Variants in REDIC1 observed in about 807,000 individuals in gnomAD.
REDIC1 encodes the protein regulator of DNA class I crossover intermediates 1.
the REDIC1 span, among the ~76,000 whole-genome samples, chr12:39,768,268 G>T: frequency 6.6e-6 from 1 of 152,100 alleles, no homozygotes; most frequent in Admixed American, 6.6e-5. Flanking sequence ...GGAATGTTGT[G>T]GCTGGTTTGA....
At chr12:39,711,719 ATGCACATGCATGTG>A in the REDIC1 span, among the ~76,000 whole-genome samples, 1 of 11,658 alleles carries the variant, frequency 8.6e-5, no homozygotes, top group Non-Finnish European at 2.8e-4. Context: ...ATGCATGTGT[ATGCACATGCATGTG>A]TGTATGTGTG....
chr12:39,772,511 G>A, the REDIC1 span, among the ~76,000 whole-genome samples: 1 of 151,976 alleles, frequency 6.6e-6, no homozygotes, highest in Non-Finnish European at 1.5e-5. Context: ...GTTTAATTGT[G>A]AGTAGAAAAC....
At chr12:39,674,894 G>A in the REDIC1 span, among the ~76,000 whole-genome samples, 1 of 152,214 alleles carries the variant, frequency 6.6e-6, no homozygotes, top group African/African-American at 2.4e-5. Flanking sequence ...ATTTTCATGA[G>A]CAGAATCTTG....
the REDIC1 span, among the ~76,000 whole-genome samples, chr12:39,779,620 C>A: frequency 6.6e-6 from 1 of 152,182 alleles, no homozygotes; most frequent in African/African-American, 2.4e-5. Context: ...TGTCATCTGA[C>A]AACAATTTCT....
At chr12:39,769,132 T>C in the REDIC1 span, among the ~76,000 whole-genome samples, 2 of 152,074 alleles carry the variant, frequency 1.3e-5, no homozygotes, top group African/African-American at 4.8e-5. Context: ...CTCAGTTGGT[T>C]CCCTAATGAT....
At chr12:39,775,470 AG>A in the REDIC1 span, among the ~76,000 whole-genome samples, 1 of 152,372 alleles carries the variant, frequency 6.6e-6, no homozygotes, top group South Asian at 2.1e-4. Context: ...CTACGGGCTC[AG>A]AGGAGCCCTG....
chr12:39,642,437 A>G, the REDIC1 span, among the ~76,000 whole-genome samples: 1 of 151,334 alleles, frequency 6.6e-6, no homozygotes, highest in Non-Finnish European at 1.5e-5. Flanking sequence ...CCTTCCCTGT[A>G]CCCACCCTAT....
chr12:39,660,900 G>A, the REDIC1 span, among the ~76,000 whole-genome samples: 12 of 151,906 alleles, frequency 7.9e-5, no homozygotes, highest in Non-Finnish European at 1.3e-4. Flanking sequence ...GCTCCCACAT[G>A]TGAGTGAGTA....
chr12:39,739,548 T>C, the REDIC1 span, among the ~76,000 whole-genome samples: 5 of 152,196 alleles, frequency 3.3e-5, no homozygotes, highest in Admixed American at 2.0e-4. Context: ...TTGATTAATA[T>C]TGAGTTAAAA....
the REDIC1 span, among the ~76,000 whole-genome samples, chr12:39,668,598 G>A: frequency 4.6e-5 from 7 of 151,718 alleles, no homozygotes; most frequent in African/African-American, 1.5e-4. Flanking sequence ...TTAAATGTTG[G>A]CCTGCCTTGC....
At chr12:39,691,002 A>G in the REDIC1 span, among the ~76,000 whole-genome samples, 1 of 152,256 alleles carries the variant, frequency 6.6e-6, no homozygotes, top group South Asian at 2.1e-4. Context: ...CATGACTTGA[A>G]GAGAAAAGAT....
chr12:39,725,726 A>T, the REDIC1 span, among the ~76,000 whole-genome samples: 1 of 151,486 alleles, frequency 6.6e-6, no homozygotes, highest in Non-Finnish European at 1.5e-5. Flanking sequence ...GTATTTATTC[A>T]TGTATATTTT....
At chr12:39,692,633 A>G in the REDIC1 span, among the ~76,000 whole-genome samples, 1 of 151,722 alleles carries the variant, frequency 6.6e-6, no homozygotes, top group Non-Finnish European at 1.5e-5. Flanking sequence ...ACAGCATTCT[A>G]CTGTATGAAT....
chr12:39,741,177 G>A, the REDIC1 span, among the ~76,000 whole-genome samples: 1 of 151,998 alleles, frequency 6.6e-6, no homozygotes, highest in Non-Finnish European at 1.5e-5. Flanking sequence ...GATAATTTCA[G>A]GTTTTCTTAA....
chr12:39,652,353 A>G, the REDIC1 span, among the ~76,000 whole-genome samples: 91 of 152,150 alleles, frequency 6.0e-4, no homozygotes, highest in Non-Finnish European at 9.1e-4. Flanking sequence ...TTATATTCCC[A>G]TTAACAATGT....
At chr12:39,664,500 C>T in the REDIC1 span, among the ~76,000 whole-genome samples, 1 of 152,010 alleles carries the variant, frequency 6.6e-6, no homozygotes, top group African/African-American at 2.4e-5. Flanking sequence ...GTTGGTTCCA[C>T]GTCTTTGCTA....
the REDIC1 span, among the ~76,000 whole-genome samples, chr12:39,799,306 C>T: frequency 5.3e-5 from 7 of 132,134 alleles, no homozygotes; most frequent in South Asian, 7.1e-4. Flanking sequence ...AATGGGGTTT[C>T]GCTGTGTTGG....
At chr12:39,867,550 T>G in the REDIC1 span, among the ~76,000 whole-genome samples, 4 of 152,126 alleles carry the variant, frequency 2.6e-5, no homozygotes, top group East Asian at 1.9e-4. Context: ...ATGAGAGCTC[T>G]GCAATATGGA....
chr12:39,797,909 A>C, the REDIC1 span, among the ~76,000 whole-genome samples: 2 of 152,212 alleles, frequency 1.3e-5, no homozygotes, highest in Non-Finnish European at 2.9e-5. Context: ...GTCAGCCTCC[A>C]GAATATCCCC....
Sources: gnomAD v4.1 joint callset for allele counts (sites outside exome capture counted in the v4.1 genomes callset) on GRCh38, gnomAD v4.1.1 for gene constraint, MANE v1.5 for transcripts, NCBI Gene and HGNC (gene_info 2026-07-23, HGNC 2026-07-21) for gene names.